The following LAMB1 variants were observed in gnomAD, a reference collection of about 807,000 sequenced individuals.
LAMB1 encodes laminin subunit beta 1.
LAMB1 carries 121 observed loss-of-function variants against 222.3 expected under a neutral mutation model. That is an observed-to-expected ratio of 0.54 (90% confidence interval 0.47 to 0.63). LAMB1 has a LOEUF of 0.63. LAMB1 is among the 30% of genes least tolerant of loss of function. LAMB1 has a pLI of 0.00. For synonymous variants in LAMB1, 794 were observed against 807.2 expected (o/e 0.98, Z 0.28); for missense variants, 2,172 against 2,240.8 (o/e 0.97, Z 0.62).
intron 18 of LAMB1, 140 bp downstream of exon 18, chr7:107,960,303 TAA>T (rs2033469826): frequency 1.6e-6 from 1 of 625,948 alleles, no homozygotes; most frequent in East Asian, 2.7e-5. Context: ...CTTAAAAAGA[TAA>T]AGACAAACTG....
Position 107,975,276 on chromosome 7 carries a change from C to T in LAMB1, c.1327G>A (p.Gly443Ser), listed in dbSNP as rs765847921. Reference protein sequence around the residue: ...EGEHCDVCKEGFYDLSSEDPF... With the variant: ...EGEHCDVCKESFYDLSSEDPF... Reference sequence around the variant, plus strand: ...TCTTCACTGCTTAAATCATAGAAGCCTTCTTTGCAAACATCACAATGTTCT... The same window carrying T: ...TCTTCACTGCTTAAATCATAGAAGCTTTCTTTGCAAACATCACAATGTTCT... Residue 443 changes from glycine to serine, a missense_variant, in exon 11 of 34, where the codon GGC becomes AGC. Coordinates refer to ENST00000222399, the MANE Select transcript of LAMB1 (RefSeq NM_002291.3). 1 of 1,614,074 alleles carries T rather than the reference C, an allele frequency of 6.2e-7. No homozygotes were observed. Among genetic ancestry groups the T allele is most frequent in the East Asian group, 2.2e-5 (1 of 44,888 alleles).
At chr7:107,926,790 A>G (rs150492006) in intron 31 of LAMB1, among the ~76,000 whole-genome samples, 31 of 152,216 alleles carry the variant, frequency 2.0e-4, no homozygotes, top group African/African-American at 6.5e-4. Context: ...GTTAAACTCT[A>G]GTAGTGGAGA....
At chr7:107,995,966 T>C (rs1255161281) in intron 4 of LAMB1, among the ~76,000 whole-genome samples, 1 of 152,066 alleles carries the variant, frequency 6.6e-6, no homozygotes, top group African/African-American at 2.4e-5. Flanking sequence ...GTGAGGAAAG[T>C]GGTCATTGGA....
chr7:107,927,533 G>A (rs1411331366), intron 31 of LAMB1, among the ~76,000 whole-genome samples: 1 of 152,094 alleles, frequency 6.6e-6, no homozygotes, highest in African/African-American at 2.4e-5. Flanking sequence ...GTGCACTATA[G>A]TCTCAAACTC....
At chr7:107,957,326 G>A (rs2033398445) in intron 20 of LAMB1, among the ~76,000 whole-genome samples, 1 of 152,206 alleles carries the variant, frequency 6.6e-6, no homozygotes, top group Non-Finnish European at 1.5e-5. Flanking sequence ...AGGAGGCAGA[G>A]GTTGCAGTGA....
At chr7:107,969,634 T>C (rs1037438223) in intron 13 of LAMB1, among the ~76,000 whole-genome samples, 4 of 152,246 alleles carry the variant, frequency 2.6e-5, no homozygotes, top group Non-Finnish European at 4.4e-5. Context: ...AATTTTGTTG[T>C]TGTGTGACCA....
intron 27 of LAMB1, among the ~76,000 whole-genome samples, chr7:107,934,728 T>C (rs1184919457): frequency 6.6e-6 from 1 of 152,116 alleles, no homozygotes; most frequent in Non-Finnish European, 1.5e-5. Flanking sequence ...TCTGAATTCC[T>C]ACACTGAGAT....
Position 108,003,161 on chromosome 7 carries a change from G to C in LAMB1, c.-137C>G, listed in dbSNP as rs1447133355. 1 of 557,088 alleles carries C rather than the reference G, an allele frequency of 1.8e-6. No individual in the cohort carries two copies. Among genetic ancestry groups the C allele is most frequent in the African/African-American group, 1.9e-5 (1 of 51,948 alleles). The allele number at this position is 557,088 out of a possible 1,614,324, so 34.5% of individuals were successfully genotyped here. A position where few individuals can be genotyped will look rare whatever the true frequency, so the allele number is the denominator to read the frequency against. Reference sequence around the variant, plus strand: ...TCCGGGAGCCCCCGAGCCCAAAGAAGGGAATTAGAAAGTTTAGCCTTGGGA... The same window carrying C: ...TCCGGGAGCCCCCGAGCCCAAAGAACGGAATTAGAAAGTTTAGCCTTGGGA... On this transcript the variant is annotated 5_prime_UTR_variant, in exon 1 of 34. Transcript: ENST00000222399.
intron 7 of LAMB1, among the ~76,000 whole-genome samples, chr7:107,984,259 GTTTTT>G: frequency 6.6e-6 from 1 of 151,744 alleles, no homozygotes; most frequent in Non-Finnish European, 1.5e-5. Flanking sequence ...TCATTTTTTT[GTTTTT>G]TTGAGACAGA....
intron 31 of LAMB1, among the ~76,000 whole-genome samples, chr7:107,927,191 A>G (rs975917334): frequency 2.0e-5 from 3 of 152,234 alleles, no homozygotes; most frequent in Non-Finnish European, 4.4e-5. Flanking sequence ...AATATTTCAA[A>G]CCTAAGGACC....
intron 24 of LAMB1, among the ~76,000 whole-genome samples, chr7:107,948,134 G>A (rs909637608): frequency 2.0e-5 from 3 of 151,914 alleles, no homozygotes; most frequent in African/African-American, 7.3e-5. Context: ...TTATAGGTGT[G>A]CGCCATCTCA....
At chr7:107,929,974 A>C (rs73725013) in intron 29 of LAMB1, 1 of 310,668 alleles carries the variant, frequency 3.2e-6, no homozygotes. Context: ...ATGTTACGGG[A>C]AAGTATAGCA....
At chr7:107,997,685 C>A (rs1238211627) in intron 4 of LAMB1, among the ~76,000 whole-genome samples, 2 of 152,126 alleles carry the variant, frequency 1.3e-5, no homozygotes, top group Non-Finnish European at 2.9e-5. Context: ...CCTTTATTCC[C>A]CAAATTTCAG....
chr7:107,963,194 A>T (rs1044377861), intron 14 of LAMB1, 131 bp from the exon 15 acceptor site: 5 of 775,824 alleles, frequency 6.4e-6, no homozygotes, highest in Non-Finnish European at 1.0e-5. Flanking sequence ...TTTATAGTCA[A>T]ATCTCCCCTA....
chr7:107,969,936 T>C (rs374320213), intron 13 of LAMB1, among the ~76,000 whole-genome samples: 4 of 152,206 alleles, frequency 2.6e-5, no homozygotes, highest in African/African-American at 7.2e-5. Flanking sequence ...AGCTACACCA[T>C]AGTCATTCAA....
At chr7:108,002,002 C>T (rs1400302976) in intron 2 of LAMB1, 1 of 1,442,862 alleles carries the variant, frequency 6.9e-7, no homozygotes, top group African/African-American at 1.4e-5. Context: ...AACCCACCGA[C>T]GCTCGCGCCC....
intron 20 of LAMB1, 54 bp downstream of exon 20, chr7:107,959,191 GATGC>G: frequency 7.2e-7 from 1 of 1,396,058 alleles, no homozygotes; most frequent in Non-Finnish European, 1.0e-6. Context: ...GTTGGTCTAA[GATGC>G]TGTCTGCTCA....
At position 107,978,085 on chromosome 7, in the gene LAMB1, C is replaced by A; in HGVS notation, c.962G>T (p.Trp321Leu). Residue 321 changes from tryptophan (W) to leucine (L), a missense_variant, in exon 9 of 34, where the codon TGG becomes TTG. Trp to Leu is a moderately conservative substitution (Grantham distance 61). Transcript: ENST00000222399. ...GCTGTTTCGGCCTTCAGCAGGTCTC[C>A]AAGGTAAATCATGGTAGAAATCCAT... The part of the protein sequence containing the change: ...LCMDFYHDLP[W>L]RPAEGRNSNA... 3 of 1,614,146 alleles carry A rather than the reference C, an allele frequency of 1.9e-6. No individual in the cohort carries two copies. The highest frequency in any genetic ancestry group is 1.7e-6 in the Non-Finnish European group (2 of 1,180,026).
At chr7:107,937,969 T>G (rs1399634649) in intron 25 of LAMB1, among the ~76,000 whole-genome samples, 1 of 152,220 alleles carries the variant, frequency 6.6e-6, no homozygotes, top group African/African-American at 2.4e-5. Flanking sequence ...TTTTGACATC[T>G]ATTTGTATAT....
Sources: allele counts gnomAD v4.1 joint callset (sites outside exome capture counted in the v4.1 genomes callset), GRCh38; gene constraint gnomAD v4.1.1; transcripts MANE v1.5; gene names NCBI Gene and HGNC (gene_info 2026-07-23, HGNC 2026-07-21).